Variants in ARHGAP6 observed in about 807,000 individuals in gnomAD.
The protein encoded by ARHGAP6 is Rho GTPase activating protein 6.
Under a neutral mutation model 55.7 loss-of-function variants are expected in ARHGAP6, and 16 were observed. The ratio of observed to expected loss-of-function variants is 0.29; its 90% confidence interval spans 0.19 to 0.44. The LOEUF (loss-of-function observed/expected upper bound fraction) is 0.44. Among genes scored for constraint, ARHGAP6 ranks in the 20% least tolerant of loss-of-function variants. The probability of loss-of-function intolerance (pLI) is 1.00; values close to 1 mark genes in which losing one functional copy is unlikely to be tolerated. For missense variants in ARHGAP6, 698 were observed against 808.9 expected (o/e 0.86, Z 1.66); for synonymous variants, 382 against 360.9 (o/e 1.06, Z -0.66).
chrX:11,201,072 C>T (rs2046612440), intron 2 of ARHGAP6, among the ~76,000 whole-genome samples: 1 of 111,832 alleles, frequency 8.9e-6, no homozygotes, highest in Non-Finnish European at 1.9e-5. Context: ...TATTTGTGCA[C>T]ATTCATATTT....
At position 11,144,162 on chromosome X, in the gene ARHGAP6, T is replaced by C. The variant is rs2045657856; in HGVS notation, c.1994A>G (p.Asp665Gly). The C allele has an allele frequency of 8.3e-7, 1 of 1,210,420 alleles. No individual in the cohort carries two copies. The highest frequency in any genetic ancestry group is 1.1e-6 in the Non-Finnish European group (1 of 895,363). The change falls in exon 11 of 13, where the codon GAC becomes GGC. Residue 665 changes from aspartate to glycine, a missense_variant. Asp to Gly is a moderately conservative substitution (Grantham distance 94). Around this residue, in one of 3 missense-constraint regions of ARHGAP6, gnomAD observed 322 missense variants for 451.1 expected, o/e 0.71. Transcript: ENST00000337414. The part of the protein sequence containing the change: ...STDSNKASSG[D>G]ISPYDNNSPV... ...GGAGTTGTTGTCATAAGGGGAGATG[T>C]CTCCGCTGGAGGCCTTGTTGGAGTC...
chrX:11,217,694 T>C (rs1360723419), intron 2 of ARHGAP6, among the ~76,000 whole-genome samples: 1 of 112,342 alleles, frequency 8.9e-6, no homozygotes, highest in Non-Finnish European at 1.9e-5. Flanking sequence ...TTTATTTTGC[T>C]GTGCAGAAGC....
intron 1 of ARHGAP6, among the ~76,000 whole-genome samples, chrX:11,385,439 T>C (rs1415449580): frequency 1.8e-5 from 2 of 111,800 alleles, no homozygotes; most frequent in Non-Finnish European, 3.8e-5. Flanking sequence ...AGTAGTAATA[T>C]TGATAAAATA....
chrX:11,557,902 A>G (rs67015293), intron 1 of ARHGAP6, among the ~76,000 whole-genome samples: 30,907 of 110,529 alleles, frequency 0.28, 3,472 homozygotes, highest in Middle Eastern at 0.39. Context: ...CCAATTATAT[A>G]TATGTATGAG....
chrX:11,221,735 G>T (rs1330763781), intron 2 of ARHGAP6, among the ~76,000 whole-genome samples: 2 of 111,427 alleles, frequency 1.8e-5, no homozygotes, highest in African/African-American at 6.5e-5. Flanking sequence ...TTTAGGTTTG[G>T]GGTTACATGT....
intron 1 of ARHGAP6, among the ~76,000 whole-genome samples, chrX:11,424,507 T>C (rs1190578318): frequency 2.7e-5 from 3 of 111,978 alleles, no homozygotes; most frequent in African/African-American, 9.7e-5. Flanking sequence ...CACCTCTTTA[T>C]CCCATCCAAA....
At chrX:11,328,074 T>C (rs1027062650) in intron 1 of ARHGAP6, among the ~76,000 whole-genome samples, 4 of 112,581 alleles carry the variant, frequency 3.6e-5, no homozygotes, top group African/African-American at 6.4e-5. Flanking sequence ...ATAGTTCATA[T>C]TGAATCCTTC....
chrX:11,652,402 C>T (rs374263975), intron 1 of ARHGAP6, among the ~76,000 whole-genome samples: 1 of 112,089 alleles, frequency 8.9e-6, no homozygotes, highest in East Asian at 2.8e-4. Context: ...ACAAACCCAA[C>T]AAAAACAAGC....
intron 1 of ARHGAP6, among the ~76,000 whole-genome samples, chrX:11,344,710 G>GAAAAGA (rs113727996): frequency 2.9e-4 from 23 of 78,048 alleles, no homozygotes; most frequent in African/African-American, 9.9e-4. Context: ...AAAAAGAAAA[G>GAAAAGA]AAAGAAAAGA....
chrX:11,341,239 A>T (rs2048702662), intron 1 of ARHGAP6, among the ~76,000 whole-genome samples: 1 of 111,637 alleles, frequency 9.0e-6, no homozygotes, highest in African/African-American at 3.3e-5. Flanking sequence ...ACCCATGTCA[A>T]CCCAGAACAA....
chrX:11,537,420 G>C (rs12009263), intron 1 of ARHGAP6, among the ~76,000 whole-genome samples: 25,524 of 111,255 alleles, frequency 0.23, 2,252 homozygotes, highest in Middle Eastern at 0.29. Context: ...CAACGGCACA[G>C]AGATTACACA....
chrX:11,512,963 A>G (rs2050799295), intron 1 of ARHGAP6, among the ~76,000 whole-genome samples: 2 of 112,234 alleles, frequency 1.8e-5, no homozygotes, highest in South Asian at 3.7e-4. Context: ...AAGATATATA[A>G]GCATCAGGTT....
chrX:11,577,373 A>T (rs1176860153), intron 1 of ARHGAP6, among the ~76,000 whole-genome samples: 1 of 112,105 alleles, frequency 8.9e-6, no homozygotes, highest in Non-Finnish European at 1.9e-5. Context: ...ACTCTGCGAG[A>T]CAGAGTGGAT....
intron 1 of ARHGAP6, among the ~76,000 whole-genome samples, chrX:11,365,322 A>T (rs1454171035): frequency 1.8e-5 from 2 of 111,710 alleles, no homozygotes; most frequent in Non-Finnish European, 3.8e-5. Flanking sequence ...TGGAAATTTC[A>T]TTACTGTTTA....
intron 1 of ARHGAP6, among the ~76,000 whole-genome samples, chrX:11,606,900 G>A (rs190943565): frequency 1.1e-4 from 12 of 111,759 alleles, no homozygotes; most frequent in Admixed American, 1.9e-4. Flanking sequence ...CAAATCCCAC[G>A]TTACAAAACC....
intron 1 of ARHGAP6, among the ~76,000 whole-genome samples, chrX:11,440,381 C>T (rs2050028474): frequency 8.9e-6 from 1 of 112,428 alleles, no homozygotes; most frequent in African/African-American, 3.2e-5. Flanking sequence ...CAAAATGCAG[C>T]CATCCTTCTA....
intron 1 of ARHGAP6, among the ~76,000 whole-genome samples, chrX:11,528,503 C>T (rs1441658892): frequency 1.8e-5 from 2 of 111,909 alleles, no homozygotes; most frequent in Admixed American, 9.5e-5. Context: ...AAAAGGGTTG[C>T]CTAGCAGGGT....
intron 1 of ARHGAP6, among the ~76,000 whole-genome samples, chrX:11,572,143 G>T (rs2147107778): frequency 9.0e-6 from 1 of 111,224 alleles, no homozygotes; most frequent in African/African-American, 3.3e-5. Flanking sequence ...GTACTATCAG[G>T]ATAATCAAAT....
At chrX:11,150,739 T>C (rs900036173) in intron 10 of ARHGAP6, among the ~76,000 whole-genome samples, 1 of 111,559 alleles carries the variant, frequency 9.0e-6, no homozygotes, top group Admixed American at 9.5e-5. Context: ...CAATGAACCA[T>C]GGTCGTGCCA....
Sources: gnomAD v4.1 joint callset for allele counts (sites outside exome capture counted in the v4.1 genomes callset) on GRCh38, gnomAD v4.1.1 for gene constraint, gnomAD v4.1.1 regional missense constraint, MANE v1.5 for transcripts, NCBI Gene and HGNC (gene_info 2026-07-23, HGNC 2026-07-21) for gene names.